The following HS1BP3 variants were observed in gnomAD, a reference collection of about 807,000 sequenced individuals.
The protein encoded by HS1BP3 is HCLS1-binding protein 3.
In HS1BP3, 32 loss-of-function variants were observed where a neutral mutation model predicts 33.5. The ratio of observed to expected loss-of-function variants is 0.95; its 90% CI spans 0.72 to 1.28. HS1BP3 has a LOEUF of 1.28. Among genes scored for constraint, HS1BP3 ranks in the 50% most tolerant of loss-of-function variants. The pLI, the probability that HS1BP3 is intolerant of heterozygous loss-of-function variation, is 0.00. For missense variants in HS1BP3, 486 were observed against 502.3 expected, an observed-to-expected ratio of 0.97 and a Z score of 0.31; for synonymous variants, 187 against 209.2, an observed-to-expected ratio of 0.89 and a Z score of 0.92.
At chr2:20,554,836 C>T in the HS1BP3 span, among the ~76,000 whole-genome samples, 12,591 of 152,176 alleles carry the variant, frequency 0.083, 685 homozygotes, top group African/African-American at 0.15. Context: ...CCTTAGAGTG[C>T]TTCTTTGCAT....
intron 2 of HS1BP3, among the ~76,000 whole-genome samples, chr2:20,609,568 T>C (rs1298154136): frequency 6.6e-6 from 1 of 152,222 alleles, no homozygotes; most frequent in East Asian, 1.9e-4. Context: ...TGAGCCGCTC[T>C]GTGGATTTGC....
intron 4 of HS1BP3, among the ~76,000 whole-genome samples, chr2:20,626,477 G>A (rs1343992048): frequency 6.6e-6 from 1 of 152,250 alleles, no homozygotes; most frequent in African/African-American, 2.4e-5. Context: ...GCTGGGTCTA[G>A]ATTGAGGATG....
intron 4 of HS1BP3, among the ~76,000 whole-genome samples, chr2:20,627,699 C>T (rs1429271515): frequency 6.6e-6 from 1 of 152,190 alleles, no homozygotes; most frequent in Non-Finnish European, 1.5e-5. Flanking sequence ...CCCACCCACC[C>T]ATGCTGCCTG....
intron 3 of HS1BP3, chr2:20,598,131 G>C (rs960045121): frequency 1.0e-5 from 2 of 194,822 alleles, no homozygotes; most frequent in Non-Finnish European, 2.3e-5. Flanking sequence ...GATGACTCAA[G>C]CACATTACAT....
At chr2:20,571,424 G>C (rs1018732495) in intron 5 of HS1BP3, among the ~76,000 whole-genome samples, 6 of 152,314 alleles carry the variant, frequency 3.9e-5, no homozygotes, top group South Asian at 2.1e-4. Flanking sequence ...GCCCGGGCCT[G>C]TTCCCTCTCT....
chr2:20,571,734 C>T (rs1157121744), intron 5 of HS1BP3, among the ~76,000 whole-genome samples: 1 of 152,208 alleles, frequency 6.6e-6, no homozygotes, highest in Non-Finnish European at 1.5e-5. Context: ...CCAGAGCTTC[C>T]CCCAGGAGTC....
chr2:20,567,906 C>T (rs1693174584), intron 5 of HS1BP3, among the ~76,000 whole-genome samples: 1 of 152,166 alleles, frequency 6.6e-6, no homozygotes, highest in South Asian at 2.1e-4. Context: ...CAGCTGGCCC[C>T]CAGCACCGAG....
intron 2 of HS1BP3, 75 bp from the exon 3 acceptor site, chr2:20,641,255 T>C (rs909279215): frequency 7.4e-7 from 1 of 1,359,918 alleles, no homozygotes; most frequent in African/African-American, 1.4e-5. Context: ...CGACCAGGGG[T>C]TCCCAAGGCC....
intron 2 of HS1BP3, 129 bp downstream of exon 2, chr2:20,645,211 A>G: frequency 1.1e-6 from 1 of 889,268 alleles, no homozygotes; most frequent in Non-Finnish European, 1.7e-6. Context: ...CTGGTACTCC[A>G]GGCCCTGAGC....
rs552978567 is a variant in HS1BP3, at chr2:20,610,227, C to A, written c.179-11962G>T. ...GGACACATGGACGCCTCCTTATCAC[C>A]CAGAGCCATAGCATACATTAGGGTT... On this transcript the variant is annotated intron_variant, in intron 2 of 3. Coordinates refer to the HS1BP3 transcript ENST00000415264. 2.6e-5 allele frequency among the ~76,000 whole-genome samples: 4 copies of A among 152,254 alleles called. No individual in the cohort carries two copies. The East Asian group carries it at 7.7e-4, about 29-fold the overall frequency.
intron 5 of HS1BP3, among the ~76,000 whole-genome samples, chr2:20,566,597 CA>C (rs1245648711): frequency 1.7e-3 from 246 of 145,482 alleles, no homozygotes; most frequent in African/African-American, 4.9e-3. Context: ...GAGTTTGTCA[CA>C]GGTTTTTTTT....
At chr2:20,632,547 C>CA (rs1695000592) in intron 4 of HS1BP3, among the ~76,000 whole-genome samples, 5 of 152,252 alleles carry the variant, frequency 3.3e-5, no homozygotes, top group Non-Finnish European at 7.3e-5. Context: ...TGGGAAGGTT[C>CA]CTCAGTCGTA....
At chr2:20,610,878 C>T (rs987725191) in intron 2 of HS1BP3, among the ~76,000 whole-genome samples, 2 of 152,156 alleles carry the variant, frequency 1.3e-5, no homozygotes, top group Non-Finnish European at 1.5e-5. Context: ...TTTTGGTGAA[C>T]GTTTATAGTC....
At chr2:20,640,459 G>T (rs1572359444) in intron 3 of HS1BP3, 1 of 277,074 alleles carries the variant, frequency 3.6e-6, no homozygotes, top group East Asian at 6.2e-5. Flanking sequence ...CTGGGGGCAG[G>T]GGTGCTGGAT....
chr2:20,555,624 TTTCC>T (rs1298544440), downstream of HS1BP3, among the ~76,000 whole-genome samples: 4 of 150,964 alleles, frequency 2.6e-5, no homozygotes, highest in African/African-American at 7.3e-5. Context: ...ATATGGTGAG[TTTCC>T]TTCCTTCCTT....
chr2:20,605,190 G>A (rs1343390685), intron 2 of HS1BP3, among the ~76,000 whole-genome samples: 5 of 152,128 alleles, frequency 3.3e-5, no homozygotes, highest in African/African-American at 1.2e-4. Context: ...ACACACACGA[G>A]CTTCCCAAAC....
chr2:20,643,169 A>C (rs1695409090), intron 2 of HS1BP3, among the ~76,000 whole-genome samples: 1 of 152,190 alleles, frequency 6.6e-6, no homozygotes, highest in South Asian at 2.1e-4. Context: ...GTACTTTCAA[A>C]TGTCTGACAA....
At chr2:20,558,444 G>A (rs1029252299), downstream of HS1BP3, among the ~76,000 whole-genome samples, 2 of 152,134 alleles carry the variant, frequency 1.3e-5, no homozygotes, top group African/African-American at 2.4e-5. Flanking sequence ...GCATCTTTGA[G>A]GTCAGTGGGG....
At chr2:20,591,572 G>A (rs1156980404), downstream of HS1BP3, among the ~76,000 whole-genome samples, 1 of 152,174 alleles carries the variant, frequency 6.6e-6, no homozygotes, top group Non-Finnish European at 1.5e-5. Flanking sequence ...GTCGACCATT[G>A]TGTTTGTTTG....
Sources: allele counts gnomAD v4.1 joint callset (sites outside exome capture counted in the v4.1 genomes callset), GRCh38; gene constraint gnomAD v4.1.1; transcripts MANE v1.5; gene names NCBI Gene and HGNC (gene_info 2026-07-23, HGNC 2026-07-21).